Variants in KCNH8 observed in about 807,000 individuals in gnomAD.
KCNH8 encodes voltage-gated delayed rectifier potassium channel KCNH8.
KCNH8 carries 70 observed loss-of-function variants against 103.6 expected under a neutral mutation model. The observed-to-expected ratio is 0.68, with a 90% CI of 0.56 to 0.82. The LOEUF (loss-of-function observed/expected upper bound fraction) is 0.82, where lower values mean the gene tolerates loss of function less well. Among genes scored for constraint, KCNH8 ranks in the 40% least tolerant of loss-of-function variants. The probability of loss-of-function intolerance (pLI) is 0.00; values close to 1 mark genes in which losing one functional copy is unlikely to be tolerated. For synonymous variants in KCNH8, 498 were observed against 489.4 expected (o/e 1.02, Z -0.23); for missense variants, 1,217 against 1,329.9 (o/e 0.92, Z 1.32).
chr3:19,410,989 C>G (rs766177612), intron 7 of KCNH8, among the ~76,000 whole-genome samples: 1 of 151,608 alleles, frequency 6.6e-6, no homozygotes, highest in East Asian at 1.9e-4. Context: ...AAAATTGAGG[C>G]GAAGGGATTC....
intron 1 of KCNH8, among the ~76,000 whole-genome samples, chr3:19,182,544 G>T (rs550664240): frequency 6.6e-6 from 1 of 152,218 alleles, no homozygotes; most frequent in Admixed American, 6.5e-5. Context: ...AAGAAAAGAA[G>T]AGGCTTAAAA....
intron 11 of KCNH8, among the ~76,000 whole-genome samples, chr3:19,475,098 C>T (rs760933247): frequency 5.9e-5 from 9 of 152,064 alleles, no homozygotes; most frequent in Non-Finnish European, 1.2e-4. Context: ...ACAGTTTGAT[C>T]CAAAAGATTG....
Position 19,206,168 on chromosome 3 carries a change from G to GTGTGTATATATATATATATATA in KCNH8, c.77-47485_77-47484insGTGTATATATATATATATATAT, listed in dbSNP as rs979868166. Among the ~76,000 whole-genome samples the GTGTGTATATATATATATATATA allele has an allele frequency of 9.6e-3, 1,340 of 138,934 alleles. 35 individuals carry two copies. Among genetic ancestry groups the GTGTGTATATATATATATATATA allele is most frequent in the African/African-American group, 0.036 (1,256 of 34,558 alleles). The allele number at this position is 138,934 out of a possible 152,430, so 91.1% of individuals were successfully genotyped here. A position where few individuals can be genotyped will look rare whatever the true frequency, so the allele number is the denominator to read the frequency against. ...GTATATATATATTAATGGTGTGTGT[G>GTGTGTATATATATATATATATA]TATATATATATATATATCACAGTTA... On this transcript the variant is annotated intron_variant, in intron 1 of 15. Coordinates refer to ENST00000328405, the MANE Select transcript of KCNH8 (RefSeq NM_144633.3).
chr3:19,509,472 T>C (rs2068747727), intron 11 of KCNH8, among the ~76,000 whole-genome samples: 2 of 152,162 alleles, frequency 1.3e-5, no homozygotes, highest in Non-Finnish European at 2.9e-5. Context: ...GTAGATAATA[T>C]CAGAAGCATG....
chr3:19,276,175 A>ATGTGTGTGTGTGTGTG (rs59768467), intron 2 of KCNH8, among the ~76,000 whole-genome samples: 1 of 141,878 alleles, frequency 7.0e-6, no homozygotes. Context: ...CAATATGTAT[A>ATGTGTGTGTGTGTGTG]TGTGTGTGTG....
rs780931969 is a variant in KCNH8 at position 19,196,139 on chromosome 3, GATTCTC to G, written c.76+47345_76+47350del. ...GGCTGACATTTCTTTTCTTGTGCCA[GATTCTC>G]TTCAAGAGACTCAAGCCTCTCCTTT... On this transcript the variant is annotated intron_variant, in intron 1 of 15. Transcript: ENST00000328405. Among the ~76,000 whole-genome samples the G allele has an allele frequency of 9.5e-4, 144 of 152,048 alleles. 1 individual carries two copies. Among genetic ancestry groups the G allele is most frequent in the South Asian group, 6.2e-3 (30 of 4,820 alleles).
intron 3 of KCNH8, among the ~76,000 whole-genome samples, chr3:19,297,148 T>A (rs2065006627): frequency 6.6e-6 from 1 of 151,956 alleles, no homozygotes; most frequent in Admixed American, 6.6e-5. Flanking sequence ...CTCAAGAGCA[T>A]GGAAAAAAAT....
chr3:19,155,995 C>T (rs531652028), intron 1 of KCNH8, among the ~76,000 whole-genome samples: 1 of 152,300 alleles, frequency 6.6e-6, no homozygotes, highest in African/African-American at 2.4e-5. Context: ...AAGGCCAGGG[C>T]TGAGTATTAA....
At chr3:19,196,223 A>G (rs1026574667) in intron 1 of KCNH8, among the ~76,000 whole-genome samples, 2 of 151,944 alleles carry the variant, frequency 1.3e-5, no homozygotes, top group Non-Finnish European at 2.9e-5. Flanking sequence ...ATACTTGCAT[A>G]TGCCTAAACC....
intron 11 of KCNH8, among the ~76,000 whole-genome samples, chr3:19,500,520 C>G (rs535342424): frequency 6.6e-6 from 1 of 152,110 alleles, no homozygotes; most frequent in Non-Finnish European, 1.5e-5. Flanking sequence ...AAATTGACCA[C>G]GTACTTGGAA....
intron 5 of KCNH8, among the ~76,000 whole-genome samples, chr3:19,382,765 T>C (rs145222302): frequency 6.6e-6 from 1 of 152,228 alleles, no homozygotes; most frequent in Non-Finnish European, 1.5e-5. Context: ...CTCTGCTCTA[T>C]GGCTTTACAA....
intron 1 of KCNH8, among the ~76,000 whole-genome samples, chr3:19,242,758 C>G (rs1447252896): frequency 2.0e-5 from 3 of 152,100 alleles, no homozygotes; most frequent in African/African-American, 7.2e-5. Context: ...CTTGGAGGTT[C>G]TGCTTCAGTA....
At chr3:19,449,416 C>T (rs2067411062) in intron 8 of KCNH8, among the ~76,000 whole-genome samples, 1 of 151,244 alleles carries the variant, frequency 6.6e-6, no homozygotes, top group African/African-American at 2.4e-5. Flanking sequence ...TCAAATTTTC[C>T]AATATCTCCC....
intron 3 of KCNH8, among the ~76,000 whole-genome samples, chr3:19,298,589 T>C (rs2125287432): frequency 6.6e-6 from 1 of 152,306 alleles, no homozygotes; most frequent in African/African-American, 2.4e-5. Flanking sequence ...AGTTGCTGCA[T>C]AAAATAAAAA....
intron 7 of KCNH8, among the ~76,000 whole-genome samples, chr3:19,434,711 T>C (rs1283171560): frequency 6.6e-6 from 1 of 152,206 alleles, no homozygotes; most frequent in Non-Finnish European, 1.5e-5. Flanking sequence ...TATTTTTTTA[T>C]GCTTGGAATT....
intron 15 of KCNH8, among the ~76,000 whole-genome samples, chr3:19,523,393 A>G (rs1237241011): frequency 3.3e-5 from 5 of 151,866 alleles, no homozygotes; most frequent in African/African-American, 1.2e-4. Flanking sequence ...CTCATTTTCA[A>G]CTCCTCAAAA....
intron 11 of KCNH8, among the ~76,000 whole-genome samples, chr3:19,477,967 G>T (rs1365074585): frequency 6.6e-6 from 1 of 151,974 alleles, no homozygotes; most frequent in African/African-American, 2.4e-5. Flanking sequence ...CACTCTGTAT[G>T]TCCATGTATA....
At chr3:19,207,375 T>G (rs1357016852) in intron 1 of KCNH8, among the ~76,000 whole-genome samples, 2 of 151,990 alleles carry the variant, frequency 1.3e-5, no homozygotes, top group African/African-American at 4.8e-5. Context: ...GGCTGACACA[T>G]AGTGTGTATT....
chr3:19,521,293 G>T (rs1194247303), intron 15 of KCNH8, among the ~76,000 whole-genome samples: 1 of 151,984 alleles, frequency 6.6e-6, no homozygotes, highest in East Asian at 1.9e-4. Context: ...ACTTTGGAAA[G>T]AGACAAATAT....
Sources: gnomAD v4.1 joint callset for allele counts (sites outside exome capture counted in the v4.1 genomes callset) on GRCh38, gnomAD v4.1.1 for gene constraint, MANE v1.5 for transcripts, NCBI Gene and HGNC (gene_info 2026-07-23, HGNC 2026-07-21) for gene names.